ETF1: variants seen among roughly 807,000 people sequenced by gnomAD.
ETF1 encodes eukaryotic peptide chain release factor subunit 1.
Under a neutral mutation model 55.1 loss-of-function variants are expected in ETF1, and 4 were observed. The ratio of observed to expected loss-of-function variants is 0.07; its 90% CI spans 0.04 to 0.17. ETF1 has a LOEUF of 0.17. Ranked by LOEUF, ETF1 falls within the 10% of genes least tolerant of loss-of-function variation. ETF1 has a pLI of 1.00. For synonymous variants in ETF1, 157 were observed against 182.3 expected, an observed-to-expected ratio of 0.86 and a Z score of 1.12; for missense variants, 142 against 523.6, an observed-to-expected ratio of 0.27 and a Z score of 7.11.
At chr5:138,540,765 A>G (rs1350952691) in intron 2 of ETF1, among the ~76,000 whole-genome samples, 1 of 152,160 alleles carries the variant, frequency 6.6e-6, no homozygotes, top group Admixed American at 6.5e-5. Flanking sequence ...TTATAACTTC[A>G]TTTTTAGCAT....
intron 2 of ETF1, among the ~76,000 whole-genome samples, chr5:138,542,305 A>G (rs2127142275): frequency 6.6e-6 from 1 of 152,334 alleles, no homozygotes; most frequent in African/African-American, 2.4e-5. Flanking sequence ...GAAGACCCAG[A>G]GAAATCAGGA....
At chr5:138,516,687 C>T (rs1765034216) in intron 4 of ETF1, among the ~76,000 whole-genome samples, 1 of 152,178 alleles carries the variant, frequency 6.6e-6, no homozygotes, top group Non-Finnish European at 1.5e-5. Flanking sequence ...AATTGCCTTA[C>T]TTTTTGAAAA....
intron 9 of ETF1, 51 bp from the exon 10 acceptor site, chr5:138,508,867 G>C (rs1764654585): frequency 3.2e-6 from 5 of 1,586,204 alleles, no homozygotes; most frequent in African/African-American, 1.3e-5. Context: ...ATATATGAAG[G>C]CTAATTAGTC....
chr5:138,537,761 T>C (rs980549365), intron 2 of ETF1, among the ~76,000 whole-genome samples: 5 of 149,324 alleles, frequency 3.3e-5, no homozygotes, highest in African/African-American at 1.2e-4. Flanking sequence ...CTAGTATTTT[T>C]AGTAGAGACA....
intron 9 of ETF1, among the ~76,000 whole-genome samples, chr5:138,509,989 G>A (rs951894593): frequency 3.3e-5 from 5 of 151,112 alleles, no homozygotes; most frequent in African/African-American, 9.7e-5. Context: ...GAGCCCAGGG[G>A]TTCGAGGTTA....
At chr5:138,513,746 G>A (rs1359162342) in intron 4 of ETF1, 40 bp from the exon 5 acceptor site, 2 of 1,571,672 alleles carry the variant, frequency 1.3e-6, no homozygotes, top group African/African-American at 2.7e-5. Flanking sequence ...GAATCCCAAA[G>A]CTTTGCTAAG....
At chr5:138,527,991 C>T (rs1274437903) in intron 2 of ETF1, among the ~76,000 whole-genome samples, 5 of 151,996 alleles carry the variant, frequency 3.3e-5, no homozygotes, top group Admixed American at 1.3e-4. Flanking sequence ...AGGCTGGTCT[C>T]GAACTCCCGA....
intron 2 of ETF1, among the ~76,000 whole-genome samples, chr5:138,534,157 T>C (rs1257876144): frequency 6.6e-6 from 1 of 152,218 alleles, no homozygotes; most frequent in Non-Finnish European, 1.5e-5. Flanking sequence ...ATAACTCAGA[T>C]GTCCAAACAT....
rs1185179297 is a variant in ETF1 at position 138,507,620 on chromosome 5, A to G, written c.*685T>C. ...TGTCTGCAAACAGATGGAAGTAAAC[A>G]GTGCACTGGCCCAAATGCTTCATGA... On this transcript the variant is annotated 3_prime_UTR_variant, in exon 11 of 11. Transcript: ENST00000360541. 3 of 152,736 alleles carry G rather than the reference A, an allele frequency of 2.0e-5. No individual in the cohort carries two copies. Among genetic ancestry groups the G allele is most frequent in the Non-Finnish European group, 4.4e-5 (3 of 68,114 alleles). The allele number at this position is 152,736 out of a possible 1,614,324, so 9.5% of individuals were successfully genotyped here.
At position 138,508,211 on chromosome 5, in the gene ETF1, T is replaced by C; in HGVS notation, c.*94A>G. 1 of 1,383,746 alleles carries C rather than the reference T, an allele frequency of 7.2e-7. No individual in the cohort carries two copies. The highest frequency in any genetic ancestry group is 9.8e-7 in the Non-Finnish European group (1 of 1,019,736). 85.7% of individuals were successfully genotyped at this position (1,383,746 alleles called of 1,614,324 possible). A position where few individuals can be genotyped will look rare whatever the true frequency, so the allele number is the denominator to read the frequency against. ...TTAAGTTCTGGAAATGTTCCAATTG[T>C]AAGGCAGGGATCTGTTTGGATTCCA... On this transcript the variant is annotated 3_prime_UTR_variant, in exon 11 of 11. Transcript: ENST00000360541.
At chr5:138,512,489 A>G (rs138944627) in intron 6 of ETF1, among the ~76,000 whole-genome samples, 304 of 152,000 alleles carry the variant, frequency 2.0e-3, no homozygotes, top group African/African-American at 7.1e-3. Context: ...ATCAAACTCC[A>G]TTCTACAGCC....
At chr5:138,542,623 G>A in intron 2 of ETF1, 10 of 1,420,028 alleles carry the variant, frequency 7.0e-6, no homozygotes, top group Non-Finnish European at 9.2e-6. Flanking sequence ...CGGGGAGCGC[G>A]GGCCCCTTAC....
chr5:138,511,803 A>G, intron 6 of ETF1, 199 bp from the exon 7 acceptor site: 1 of 982,358 alleles, frequency 1.0e-6, no homozygotes, highest in Non-Finnish European at 1.2e-6. Flanking sequence ...TATATCACAC[A>G]TTTTATTAGA....
rs768072753 is a variant in ETF1 at position 138,506,815 on chromosome 5, C to T, written c.*1490G>A. On this transcript the variant is annotated 3_prime_UTR_variant, in exon 11 of 11. Transcript: ENST00000360541. ...GAGCTGGTTCAGACCAATAAAGCTA[C>T]GAGTGACTGAATCAAGTCAGTAAAG... The T allele has an allele frequency of 2.0e-5, 3 of 152,608 alleles. No individual in the cohort carries two copies. The highest frequency in any genetic ancestry group is 2.9e-5 in the Non-Finnish European group (2 of 68,046). 9.5% of individuals were successfully genotyped at this position (152,608 alleles called of 1,614,324 possible). A position where few individuals can be genotyped will look rare whatever the true frequency, so the allele number is the denominator to read the frequency against.
Position 138,507,656 on chromosome 5 carries a change from T to C in ETF1, c.*649A>G, listed in dbSNP as rs1764606438. ...CCAAATGCTTCATGAGTCAGTTTGA[T>C]TTTGCAATGCAATTTGCATCCTTGA... On this transcript the variant is annotated 3_prime_UTR_variant, in exon 11 of 11. Coordinates refer to ENST00000360541, the MANE Select transcript of ETF1 (RefSeq NM_004730.4). 1 of 152,764 alleles carries C rather than the reference T, an allele frequency of 6.5e-6. No homozygotes were observed. Among genetic ancestry groups the C allele is most frequent in the African/African-American group, 2.4e-5 (1 of 41,432 alleles). The allele number at this position is 152,764 out of a possible 1,614,324, so 9.5% of individuals were successfully genotyped here. A position where few individuals can be genotyped will look rare whatever the true frequency, so the allele number is the denominator to read the frequency against.
intron 2 of ETF1, among the ~76,000 whole-genome samples, chr5:138,523,496 T>G (rs1353873833): frequency 1.3e-5 from 2 of 152,110 alleles, no homozygotes; most frequent in Non-Finnish European, 2.9e-5. Flanking sequence ...ACCACGCCAC[T>G]GCACTCCAGC....
intron 2 of ETF1, chr5:138,529,596 G>A (rs923016044): frequency 2.0e-6 from 2 of 985,316 alleles, no homozygotes; most frequent in African/African-American, 1.7e-5. Context: ...TCTGCACTCA[G>A]ATTCTCTTCT....
rs1292904228 is a variant in ETF1, at chr5:138,543,201, G to T, written c.-123C>A. 3.7e-6 allele frequency: 2 copies of T among 539,094 alleles called. No individual in the cohort carries two copies. The highest frequency in any genetic ancestry group is 3.9e-5 in the African/African-American group (2 of 50,830). 33.4% of individuals were successfully genotyped at this position (539,094 alleles called of 1,614,324 possible). On this transcript the variant is annotated 5_prime_UTR_variant, in exon 1 of 11. Transcript: ENST00000360541. ...ACCGGCTCCCTCTCTCCAGGCAGCT[G>T]CATGTGTTGCAATCCGCTCACATGG...
At position 138,506,524 on chromosome 5, in the gene ETF1, G is replaced by GT. The variant is rs1233866010; in HGVS notation, c.*1780dup. ...TAAGGTACTGCTGTGAAGAGAGCAT[G>GT]TTTGCTCGCTCTTGGGTGTTCTGCA... On this transcript the variant is annotated 3_prime_UTR_variant, in exon 11 of 11. Coordinates refer to ENST00000360541, the MANE Select transcript of ETF1 (RefSeq NM_004730.4). 1 of 152,676 alleles carries GT rather than the reference G, an allele frequency of 6.5e-6. No homozygotes were observed. The highest frequency in any genetic ancestry group is 1.5e-5 in the Non-Finnish European group (1 of 68,048). 9.5% of individuals were successfully genotyped at this position (152,676 alleles called of 1,614,324 possible).
Sources: gnomAD v4.1 joint callset for allele counts (sites outside exome capture counted in the v4.1 genomes callset) on GRCh38, gnomAD v4.1.1 for gene constraint, MANE v1.5 for transcripts, NCBI Gene and HGNC (gene_info 2026-07-23, HGNC 2026-07-21) for gene names.